The following ATE1 variants were observed in gnomAD, a reference collection of about 807,000 sequenced individuals.
ATE1 encodes arginyltransferase 1.
In ATE1, 36 loss-of-function variants were observed where a neutral mutation model predicts 70.5. That is an observed-to-expected ratio of 0.51 (90% confidence interval 0.39 to 0.67). The LOEUF is 0.67. Among genes scored for constraint, ATE1 ranks in the 30% least tolerant of loss-of-function variants. ATE1 has a pLI of 0.00. For synonymous variants in ATE1, 232 were observed against 219.3 expected, an observed-to-expected ratio of 1.06 and a Z score of -0.51; for missense variants, 593 against 629.5, an observed-to-expected ratio of 0.94 and a Z score of 0.62.
At chr10:121,856,709 C>G (rs975326617) in intron 8 of ATE1, among the ~76,000 whole-genome samples, 1 of 152,170 alleles carries the variant, frequency 6.6e-6, no homozygotes. Flanking sequence ...AATATATATA[C>G]GTTGATTTAA....
chr10:121,928,252 G>C, upstream of ATE1: 1 of 1,410,180 alleles, frequency 7.1e-7, no homozygotes, highest in Non-Finnish European at 9.4e-7. Context: ...GAGGGGAAGG[G>C]AAGCGGGAGT....
intron 10 of ATE1, among the ~76,000 whole-genome samples, chr10:121,810,752 G>A (rs888495412): frequency 6.6e-6 from 1 of 152,086 alleles, no homozygotes; most frequent in Non-Finnish European, 1.5e-5. Flanking sequence ...GCCCAGGCTG[G>A]AGTGCAGTGG....
At chr10:121,902,240 GTTACTTC>G in intron 6 of ATE1, 144 bp downstream of exon 6, 1 of 743,372 alleles carries the variant, frequency 1.3e-6, no homozygotes, top group South Asian at 2.2e-5. Flanking sequence ...AAATACAAAT[GTTACTTC>G]TTCCCAGTTC....
intron 8 of ATE1, among the ~76,000 whole-genome samples, chr10:121,851,869 G>A (rs540218704): frequency 2.0e-5 from 3 of 152,366 alleles, no homozygotes; most frequent in South Asian, 4.1e-4. Flanking sequence ...AAATGTTGGG[G>A]AGGAAAGGAA....
intron 6 of ATE1, among the ~76,000 whole-genome samples, chr10:121,901,962 GACA>G (rs1950998152): frequency 6.6e-6 from 1 of 152,150 alleles, no homozygotes; most frequent in Non-Finnish European, 1.5e-5. Flanking sequence ...TTATGTATAT[GACA>G]CCATTTGCTG....
intron 11 of ATE1, among the ~76,000 whole-genome samples, chr10:121,774,144 GT>G (rs1945636055): frequency 6.6e-6 from 1 of 152,092 alleles, no homozygotes; most frequent in African/African-American, 2.4e-5. Flanking sequence ...AGAGCCTTTG[GT>G]TTATCAATGG....
At chr10:121,928,319 C>T, upstream of ATE1, 7 of 1,513,160 alleles carry the variant, frequency 4.6e-6, no homozygotes, top group Non-Finnish European at 6.2e-6. Context: ...GCGGCGGCCG[C>T]GCCAACTCCG....
intron 11 of ATE1, among the ~76,000 whole-genome samples, chr10:121,770,840 G>C (rs1945486875): frequency 6.6e-6 from 1 of 151,514 alleles, no homozygotes; most frequent in African/African-American, 2.4e-5. Context: ...ATGAATGAAT[G>C]CCTAAAACAT....
At chr10:121,839,782 T>C (rs1423374909) in intron 9 of ATE1, among the ~76,000 whole-genome samples, 1 of 152,194 alleles carries the variant, frequency 6.6e-6, no homozygotes, top group African/African-American at 2.4e-5. Context: ...CTTTATATTG[T>C]GGGCCACTGA....
At chr10:121,790,968 G>GTC (rs1564840537) in intron 10 of ATE1, among the ~76,000 whole-genome samples, 1 of 150,542 alleles carries the variant, frequency 6.6e-6, no homozygotes, top group East Asian at 1.9e-4. Flanking sequence ...ATATATGTGT[G>GTC]TGTACATATA....
chr10:121,897,824 CAAA>C (rs59751617), intron 7 of ATE1, among the ~76,000 whole-genome samples: 7 of 101,840 alleles, frequency 6.9e-5, no homozygotes, highest in Admixed American at 1.0e-4. Context: ...GACTCCGTCT[CAAA>C]AAAAAAAAAA....
At chr10:121,768,538 C>T (rs1945370448) in intron 11 of ATE1, among the ~76,000 whole-genome samples, 1 of 152,038 alleles carries the variant, frequency 6.6e-6, no homozygotes, top group Admixed American at 6.6e-5. Context: ...TCCACAAGCC[C>T]AGATGCTGAA....
At position 121,770,233 on chromosome 10, in the gene ATE1, A is replaced by AACACACACACACACACAC. The variant is rs3036837; in HGVS notation, c.1378+19918_1378+19935dup. On this transcript the variant is annotated intron_variant, in intron 11 of 11. Coordinates refer to ENST00000224652, the MANE Select transcript of ATE1 (RefSeq NM_001001976.3). ...CTAAGAATAAGAAAGACAAGAGAGA[A>AACACACACACACACACAC]ACACACACACACACACACACACACA... Among the ~76,000 whole-genome samples, 766 of 136,904 alleles carry AACACACACACACACACAC rather than the reference A, an allele frequency of 5.6e-3. 6 individuals are homozygous for AACACACACACACACACAC. The highest frequency in any genetic ancestry group is 6.8e-3 in the Admixed American group (90 of 13,288). 89.8% of individuals were successfully genotyped at this position (136,904 alleles called of 152,430 possible).
chr10:121,808,775 T>C (rs1279009831), intron 10 of ATE1, among the ~76,000 whole-genome samples: 1 of 152,216 alleles, frequency 6.6e-6, no homozygotes, highest in African/African-American at 2.4e-5. Flanking sequence ...GAAGCAGTAC[T>C]TAGCAGCCTT....
chr10:121,849,342 T>C (rs1385964519), intron 8 of ATE1, among the ~76,000 whole-genome samples: 1 of 152,236 alleles, frequency 6.6e-6, no homozygotes, highest in African/African-American at 2.4e-5. Context: ...CAAACTACAA[T>C]TACCTTCTCA....
intron 5 of ATE1, among the ~76,000 whole-genome samples, chr10:121,904,517 T>G (rs1951112504): frequency 6.6e-6 from 1 of 151,398 alleles, no homozygotes; most frequent in African/African-American, 2.4e-5. Context: ...GGCGCACGCC[T>G]GTAGTCCCAG....
At chr10:121,856,538 A>G (rs945381337) in intron 8 of ATE1, among the ~76,000 whole-genome samples, 5 of 152,306 alleles carry the variant, frequency 3.3e-5, no homozygotes, top group African/African-American at 1.2e-4. Context: ...TCAAAAAGAT[A>G]ATAGTAATAA....
rs186202628 is a variant in ATE1 at position 121,814,156 on chromosome 10, T to C, written c.1257+22562A>G. ...ATCATACATACACTATATACACAAA[T>C]GCACACCTCTCAATTGACTAAATAA... On this transcript the variant is annotated intron_variant, in intron 10 of 11. Transcript: ENST00000224652. Among the ~76,000 whole-genome samples, 6 of 152,054 alleles carry C rather than the reference T, an allele frequency of 3.9e-5. No individual in the cohort carries two copies. The East Asian group carries it at 9.7e-4, about 25-fold the overall frequency.
intron 9 of ATE1, among the ~76,000 whole-genome samples, chr10:121,838,537 T>C (rs1030311893): frequency 1.3e-5 from 2 of 152,200 alleles, no homozygotes; most frequent in African/African-American, 4.8e-5. Context: ...CCTTTTCTTC[T>C]TCCTTTGCCC....
Sources: allele counts gnomAD v4.1 joint callset (sites outside exome capture counted in the v4.1 genomes callset), GRCh38; gene constraint gnomAD v4.1.1; transcripts MANE v1.5; gene names NCBI Gene and HGNC (gene_info 2026-07-23, HGNC 2026-07-21).